TAOK3: variants seen among roughly 807,000 people sequenced by gnomAD.
TAOK3 encodes the protein TAO kinase 3.
In TAOK3, 40 loss-of-function variants were observed where a neutral mutation model predicts 120.4. That is an observed-to-expected ratio of 0.33 (90% confidence interval 0.26 to 0.43). The LOEUF is 0.43. Among genes scored for constraint, TAOK3 ranks in the 20% least tolerant of loss-of-function variants. The pLI is 1.00. For missense variants in TAOK3, 821 were observed against 1,112.1 expected (o/e 0.74, Z 3.72); for synonymous variants, 355 against 387.5 (o/e 0.92, Z 0.99).
At chr12:118,189,753 C>A in intron 14 of TAOK3, 54 bp downstream of exon 14, 1 of 1,606,806 alleles carries the variant, frequency 6.2e-7, no homozygotes, top group Non-Finnish European at 8.5e-7. Flanking sequence ...CGAGAGGCTG[C>A]CAGATGGGGA....
At chr12:118,289,429 CTTTGAAA>C (rs1252479698) in intron 1 of TAOK3, among the ~76,000 whole-genome samples, 1 of 150,328 alleles carries the variant, frequency 6.7e-6, no homozygotes, top group African/African-American at 2.5e-5. Context: ...AAAAATTATT[CTTTGAAA>C]TAGAGGGAAA....
chr12:118,152,208 C>G lies in TAOK3; in HGVS notation c.2535+19G>C, dbSNP rs768619542. 6.2e-7 allele frequency: 1 copy of G among 1,601,978 alleles called. No homozygotes were observed. Among genetic ancestry groups the G allele is most frequent in the South Asian group, 1.1e-5 (1 of 90,700 alleles). ...CCCTTCCACCCAGTGGCACCGGACC[C>G]CTGGTAATGCTCCCTTACCTTCTGC... On this transcript the variant is annotated intron_variant, in intron 20 of 20. Transcript: ENST00000392533.
chr12:118,348,178 A>G (rs2044955656), intron 1 of TAOK3, among the ~76,000 whole-genome samples: 1 of 152,134 alleles, frequency 6.6e-6, no homozygotes, highest in Non-Finnish European at 1.5e-5. Flanking sequence ...CCATCTCCCT[A>G]GTACGGAAGT....
intron 1 of TAOK3, among the ~76,000 whole-genome samples, chr12:118,367,561 G>A (rs1288799081): frequency 6.6e-6 from 1 of 151,788 alleles, no homozygotes; most frequent in African/African-American, 2.4e-5. Flanking sequence ...CTAAGAAACA[G>A]TAAAAAAACT....
At chr12:118,193,967 T>C (rs2037569916) in intron 13 of TAOK3, among the ~76,000 whole-genome samples, 1 of 152,230 alleles carries the variant, frequency 6.6e-6, no homozygotes. Context: ...AGGTATTCAG[T>C]AAATGTTTGC....
chr12:118,265,645 A>T (rs747421694), intron 2 of TAOK3, among the ~76,000 whole-genome samples: 19 of 152,192 alleles, frequency 1.2e-4, no homozygotes, highest in Non-Finnish European at 2.6e-4. Context: ...GGGTAAGGGT[A>T]TAAGAAAATA....
Position 118,150,956 on chromosome 12 carries a change from C to CTTTTTTTTTTTTT in TAOK3, c.*28_*40dup. On this transcript the variant is annotated 3_prime_UTR_variant, in exon 21 of 21. Transcript: ENST00000392533. ...CAGGGTCTGAATTTTTTTCTGTTTTCTTTTTTTTTTTTTTTTTTGTAAATG... is the reference window on the plus strand; with the variant it reads ...CAGGGTCTGAATTTTTTTCTGTTTTCTTTTTTTTTTTTTTTTTTTTTTTTTTTTTTTGTAAATG... The CTTTTTTTTTTTTT allele has an allele frequency of 8.0e-7, 1 of 1,255,372 alleles. No homozygotes were observed. Among genetic ancestry groups the CTTTTTTTTTTTTT allele is most frequent in the Non-Finnish European group, 1.1e-6 (1 of 943,808 alleles). 77.8% of individuals were successfully genotyped at this position (1,255,372 alleles called of 1,614,324 possible).
At chr12:118,186,133 C>A (rs769958230) in intron 14 of TAOK3, among the ~76,000 whole-genome samples, 2 of 152,256 alleles carry the variant, frequency 1.3e-5, no homozygotes, top group South Asian at 4.1e-4. Context: ...GCTTTTCTAT[C>A]GAATCTGGCA....
At chr12:118,259,798 T>G (rs139679935) in intron 2 of TAOK3, among the ~76,000 whole-genome samples, 99 of 151,920 alleles carry the variant, frequency 6.5e-4, no homozygotes, top group African/African-American at 2.3e-3. Context: ...GTGAGTAGAG[T>G]TGGCAGGGCA....
At position 118,201,427 on chromosome 12, in the gene TAOK3, G is replaced by A; in HGVS notation, c.856C>T (p.Leu286Phe). 6.2e-7 allele frequency: 1 copy of A among 1,613,584 alleles called. No individual in the cohort carries two copies. The highest frequency in any genetic ancestry group is 8.5e-7 in the Non-Finnish European group (1 of 1,179,706). The change falls in exon 12 of 21, where the codon CTC becomes TTC. Residue 286 changes from leucine (L) to phenylalanine (F), a missense_variant. Coordinates refer to ENST00000392533, the MANE Select transcript of TAOK3 (RefSeq NM_016281.4). Reference protein sequence around the residue: ...FVRRDRPLRVLIDLIQRTKDA... With the variant: ...FVRRDRPLRVFIDLIQRTKDA... ...TTTGTCCTCTGTATGAGGTCAATGA[G>A]GACACGTAGTGGCCGGTCTCGTCGA...
At chr12:118,284,039 A>C (rs1388487904) in intron 1 of TAOK3, among the ~76,000 whole-genome samples, 1 of 152,176 alleles carries the variant, frequency 6.6e-6, no homozygotes, top group Admixed American at 6.5e-5. Context: ...TACAGGCCGG[A>C]CAAAGAATAT....
intron 1 of TAOK3, among the ~76,000 whole-genome samples, chr12:118,315,862 A>C (rs1484512429): frequency 2.6e-5 from 4 of 152,210 alleles, no homozygotes; most frequent in Admixed American, 2.6e-4. Context: ...ATAAATGACA[A>C]AGGAAAATTG....
At chr12:118,284,178 T>C (rs555581791) in intron 1 of TAOK3, among the ~76,000 whole-genome samples, 1 of 152,350 alleles carries the variant, frequency 6.6e-6, no homozygotes, top group Non-Finnish European at 1.5e-5. Context: ...TGATATTTTC[T>C]ACATTGAACA....
At chr12:118,306,293 G>A (rs2043050600) in intron 1 of TAOK3, among the ~76,000 whole-genome samples, 1 of 151,970 alleles carries the variant, frequency 6.6e-6, no homozygotes, top group South Asian at 2.1e-4. Flanking sequence ...TCCATTTGGA[G>A]TTTTCTTATT....
chr12:118,255,658 G>C lies in TAOK3; in HGVS notation c.-88-3C>G. On this transcript the variant is annotated splice_region_variant and splice_polypyrimidine_tract_variant and intron_variant, in intron 2 of 20. Transcript: ENST00000392533. The stretch of plus-strand genomic sequence containing the variant: ...TTTGGGGGGTAAATCTTCAGTACCT[G>C]TAGAAAAATAAGGTTTGCCATTAAA... 1 of 1,325,812 alleles carries C rather than the reference G, an allele frequency of 7.5e-7. No homozygotes were observed. Among genetic ancestry groups the C allele is most frequent in the Non-Finnish European group, 1.0e-6 (1 of 972,222 alleles). The allele number at this position is 1,325,812 out of a possible 1,614,324, so 82.1% of individuals were successfully genotyped here.
chr12:118,220,027 T>A (rs2031999306), intron 9 of TAOK3, among the ~76,000 whole-genome samples: 2 of 148,716 alleles, frequency 1.3e-5, no homozygotes. Context: ...TACCTCACCC[T>A]CCCTAGTAGC....
chr12:118,172,760 G>A, intron 16 of TAOK3, 100 bp from the exon 17 acceptor site: 1 of 1,095,462 alleles, frequency 9.1e-7, no homozygotes, highest in Non-Finnish European at 1.4e-6. Flanking sequence ...AGCCAATGCA[G>A]ATGTAAGCAC....
intron 15 of TAOK3, among the ~76,000 whole-genome samples, chr12:118,181,052 C>A (rs902255226): frequency 1.3e-5 from 2 of 152,038 alleles, no homozygotes; most frequent in African/African-American, 4.8e-5. Context: ...ACCATGTTGG[C>A]CAGGCTGGTC....
At position 118,178,040 on chromosome 12, in the gene TAOK3, G is replaced by A. The variant is rs190170191; in HGVS notation, c.1567-711C>T. On this transcript the variant is annotated intron_variant, in intron 15 of 20. Transcript: ENST00000392533. ...TAGCTCACTGCAGCCTAAAAATCCC[G>A]GGATCCAGCGATCCTCCTGCCTCAG... Among the ~76,000 whole-genome samples the A allele has an allele frequency of 7.9e-5, 12 of 151,994 alleles. No individual in the cohort carries two copies. In the East Asian group the frequency reaches 1.8e-3, roughly 22 times the overall value.
Sources: allele counts gnomAD v4.1 joint callset (sites outside exome capture counted in the v4.1 genomes callset), GRCh38; gene constraint gnomAD v4.1.1; transcripts MANE v1.5; gene names NCBI Gene and HGNC (gene_info 2026-07-23, HGNC 2026-07-21).